TRMT11: variants seen among roughly 807,000 people sequenced by gnomAD.
TRMT11 encodes the protein tRNA (guanine(10)-N(2))-methyltransferase TRMT11.
In TRMT11, 53 loss-of-function variants were observed where a neutral mutation model predicts 62.8. The ratio of observed to expected loss-of-function variants is 0.84; its 90% CI spans 0.68 to 1.06. The LOEUF (loss-of-function observed/expected upper bound fraction) is 1.06, where lower values mean the gene tolerates loss of function less well. TRMT11 is among the 50% of genes least tolerant of loss of function. TRMT11 has a pLI of 0.00. For missense variants in TRMT11, 556 were observed against 553.4 expected, an observed-to-expected ratio of 1.00 and a Z score of -0.05; for synonymous variants, 188 against 190.3, an observed-to-expected ratio of 0.99 and a Z score of 0.10.
chr6:125,999,662 A>G, intron 7 of TRMT11, 49 bp downstream of exon 7: 1 of 1,491,522 alleles, frequency 6.7e-7, no homozygotes, highest in Non-Finnish European at 9.1e-7. Context: ...GCTTATTTAT[A>G]TTAATGAAGG....
chr6:126,093,712 A>G (rs1046970337), intron 17 of TRMT11, among the ~76,000 whole-genome samples: 3 of 148,844 alleles, frequency 2.0e-5, no homozygotes, highest in Non-Finnish European at 4.5e-5. Context: ...TTAACTCCTT[A>G]GAGTGTTATA....
upstream of TRMT11, among the ~76,000 whole-genome samples, chr6:126,175,397 G>T (rs1327999762): frequency 6.6e-6 from 1 of 152,164 alleles, no homozygotes; most frequent in Non-Finnish European, 1.5e-5. Context: ...TGAGATGTGA[G>T]TTGTGGAGCC....
intron 7 of TRMT11, among the ~76,000 whole-genome samples, chr6:126,004,736 T>G (rs1327867077): frequency 6.6e-6 from 1 of 152,120 alleles, no homozygotes; most frequent in Non-Finnish European, 1.5e-5. Context: ...AAAATTGAAA[T>G]GTATGTAGTT....
At chr6:126,126,900 C>A (rs1033984180) in intron 21 of TRMT11, among the ~76,000 whole-genome samples, 3 of 152,024 alleles carry the variant, frequency 2.0e-5, no homozygotes. Flanking sequence ...AACTTCCCAC[C>A]CATGAAAATA....
chr6:126,005,996 C>T (rs565114824), intron 7 of TRMT11, among the ~76,000 whole-genome samples: 23 of 151,876 alleles, frequency 1.5e-4, no homozygotes, highest in African/African-American at 3.6e-4. Flanking sequence ...AAATAGTGGA[C>T]GCAGAAACCA....
the TRMT11 span, among the ~76,000 whole-genome samples, chr6:126,219,032 C>T: frequency 6.6e-6 from 1 of 152,106 alleles, no homozygotes; most frequent in Non-Finnish European, 1.5e-5. Flanking sequence ...CTTTCCCTCC[C>T]CAAAGTGTAT....
the TRMT11 span, among the ~76,000 whole-genome samples, chr6:126,259,793 T>C: frequency 6.6e-6 from 1 of 152,200 alleles, no homozygotes; most frequent in Non-Finnish European, 1.5e-5. Context: ...TATCATCTTG[T>C]TGAACTGATC....
At chr6:126,136,019 C>T (rs962534193) in intron 21 of TRMT11, among the ~76,000 whole-genome samples, 2 of 151,748 alleles carry the variant, frequency 1.3e-5, no homozygotes, top group Non-Finnish European at 3.0e-5. Context: ...TACAAGCTCA[C>T]AGTTAAAATC....
At chr6:126,130,722 C>T (rs1044772220) in intron 21 of TRMT11, among the ~76,000 whole-genome samples, 5 of 152,088 alleles carry the variant, frequency 3.3e-5, no homozygotes, top group African/African-American at 7.2e-5. Context: ...ACCACAACCT[C>T]CCAGCAAACC....
Position 125,998,306 on chromosome 6 carries a change from G to A in TRMT11, c.378G>A (p.Lys126=), listed in dbSNP as rs1428917323. The A allele has an allele frequency of 1.9e-6, 3 of 1,587,736 alleles. No homozygotes were observed. The highest frequency in any genetic ancestry group is 1.3e-5 in the African/African-American group (1 of 74,120). The change falls in exon 5 of 13, where the codon AAG becomes AAA. Residue 126 remains lysine, a synonymous_variant. Transcript: ENST00000334379. Reference sequence around the variant, plus strand: ...CATTGACACAAGAAGAGAAAATCAAGCGAATAGATGTAAGTAAATTTAGCA... The same window carrying A: ...CATTGACACAAGAAGAGAAAATCAAACGAATAGATGTAAGTAAATTTAGCA... ...NKTLTQEEKI[K]RIDALEFLPF...
the TRMT11 span, among the ~76,000 whole-genome samples, chr6:126,237,285 G>A: frequency 6.6e-6 from 1 of 152,054 alleles, no homozygotes; most frequent in Non-Finnish European, 1.5e-5. Context: ...TAGGATCCAG[G>A]GAGGATTTGC....
the TRMT11 span, among the ~76,000 whole-genome samples, chr6:126,223,420 C>T: frequency 0.01 from 1,403 of 138,122 alleles, 20 homozygotes; most frequent in African/African-American, 0.043. Context: ...GACTCCGTCT[C>T]GAAAAAACAA....
chr6:126,237,620 G>A, the TRMT11 span, among the ~76,000 whole-genome samples: 4 of 152,142 alleles, frequency 2.6e-5, no homozygotes, highest in Non-Finnish European at 5.9e-5. Context: ...GGTTGAGGCT[G>A]TAGTGAGCTG....
At chr6:126,009,444 A>G (rs1793854578) in intron 8 of TRMT11, 1 of 151,992 alleles carries the variant, frequency 6.6e-6, no homozygotes, top group Admixed American at 6.6e-5. Context: ...GGTATTGAAA[A>G]TGTCATTTTA....
chr6:126,169,721 C>G (rs1778309787), intron 21 of TRMT11, among the ~76,000 whole-genome samples: 1 of 152,162 alleles, frequency 6.6e-6, no homozygotes. Flanking sequence ...CTCCTTCTGC[C>G]TAGAGGAGAT....
chr6:126,227,503 T>A, the TRMT11 span, among the ~76,000 whole-genome samples: 7 of 152,304 alleles, frequency 4.6e-5, no homozygotes, highest in South Asian at 1.4e-3. Flanking sequence ...AATTTGGATA[T>A]ATTTACATAT....
chr6:126,220,819 T>G, the TRMT11 span, among the ~76,000 whole-genome samples: 1 of 152,248 alleles, frequency 6.6e-6, no homozygotes, highest in Non-Finnish European at 1.5e-5. Flanking sequence ...ATGGGTAAAT[T>G]GCATGTCATG....
chr6:126,148,745 T>G lies in TRMT11; in HGVS notation c.*1824-26080T>G, dbSNP rs182184965. Among the ~76,000 whole-genome samples the G allele has an allele frequency of 2.4e-3, 367 of 152,290 alleles. 3 individuals are homozygous for G. The highest frequency in any genetic ancestry group is 8.3e-3 in the African/African-American group (344 of 41,578). Reference sequence around the variant, plus strand: ...CGAGTGATTAATATAACCACTAGATTAGATTGATAATAGTGAATATTTTTT... The same window carrying G: ...CGAGTGATTAATATAACCACTAGATGAGATTGATAATAGTGAATATTTTTT... On this transcript the variant is annotated intron_variant and NMD_transcript_variant, in intron 21 of 22. Transcript: ENST00000648977.
At chr6:126,127,626 G>T (rs997590010) in intron 21 of TRMT11, among the ~76,000 whole-genome samples, 1 of 151,328 alleles carries the variant, frequency 6.6e-6, no homozygotes, top group African/African-American at 2.4e-5. Context: ...TTAACATTAG[G>T]TATATCTCCT....
Sources: allele counts gnomAD v4.1 joint callset (sites outside exome capture counted in the v4.1 genomes callset), GRCh38; gene constraint gnomAD v4.1.1; transcripts MANE v1.5; gene names NCBI Gene and HGNC (gene_info 2026-07-23, HGNC 2026-07-21).